ACSM2A: variants seen among roughly 807,000 people sequenced by gnomAD.
The protein encoded by ACSM2A is acyl-CoA synthetase medium chain family member 2A.
A neutral mutation model predicts 76.6 loss-of-function variants in ACSM2A; 72 were observed. The ratio of observed to expected loss-of-function variants is 0.94; its 90% CI spans 0.78 to 1.14. The LOEUF (loss-of-function observed/expected upper bound fraction) is 1.14. ACSM2A is among the 50% of genes most tolerant of loss of function. The pLI is 0.00. For missense variants in ACSM2A, 684 were observed against 708.5 expected (o/e 0.97, Z 0.39); for synonymous variants, 249 against 255.9 (o/e 0.97, Z 0.26).
At chr16:20,463,079 T>C (rs1442385364) in intron 2 of ACSM2A, among the ~76,000 whole-genome samples, 1 of 96,566 alleles carries the variant, frequency 1.0e-5, no homozygotes, top group Non-Finnish European at 1.9e-5. Context: ...CTGGGCCTGT[T>C]ATGGGGTGGG....
rs1040308539 is a variant in ACSM2A, at chr16:20,476,536, G to A, written c.1098+763G>A. 1.3e-5 allele frequency: 13 copies of A among 985,286 alleles called. No individual in the cohort carries two copies. In the African/African-American group the frequency reaches 2.3e-4, roughly 17 times the overall value. 61.0% of individuals were successfully genotyped at this position (985,286 alleles called of 1,614,324 possible). Reference sequence around the variant, plus strand: ...CTCTGCAAATATGAATAAGGACAATGGAGTTGTGGCAAGCATACCCTGGCA... The same window carrying A: ...CTCTGCAAATATGAATAAGGACAATAGAGTTGTGGCAAGCATACCCTGGCA... On this transcript the variant is annotated intron_variant, in intron 8 of 13. Coordinates refer to ENST00000573854, the MANE Select transcript of ACSM2A (RefSeq NM_001308172.2).
intron 13 of ACSM2A, among the ~76,000 whole-genome samples, chr16:20,483,614 A>C (rs898755797): frequency 1.5e-5 from 2 of 131,764 alleles, no homozygotes; most frequent in Non-Finnish European, 3.3e-5. Flanking sequence ...TCTTTCTATG[A>C]TCAAGAAAGC....
intron 1 of ACSM2A, chr16:20,451,961 G>A (rs1399806135): frequency 1.3e-5 from 2 of 151,264 alleles, no homozygotes; most frequent in Non-Finnish European, 2.9e-5. Flanking sequence ...GAATCTCAGA[G>A]GAGGTGAGAC....
intron 1 of ACSM2A, among the ~76,000 whole-genome samples, chr16:20,454,266 A>G (rs1369005754): frequency 1.3e-5 from 2 of 150,022 alleles, no homozygotes; most frequent in Non-Finnish European, 3.0e-5. Context: ...CCTATGTTCA[A>G]ATATTGTGGG....
intron 1 of ACSM2A, among the ~76,000 whole-genome samples, chr16:20,458,448 T>C (rs2012339721): frequency 6.9e-6 from 1 of 144,988 alleles, no homozygotes; most frequent in Non-Finnish European, 1.5e-5. Flanking sequence ...TATATAACTA[T>C]TTATAATATA....
In ACSM2A at chr16:20,487,279, C is replaced by T. The variant is rs1385548952; in HGVS notation, c.*601C>T. 1 of 152,226 alleles carries T rather than the reference C, an allele frequency of 6.6e-6. No homozygotes were observed. Among genetic ancestry groups the T allele is most frequent in the Non-Finnish European group, 1.5e-5 (1 of 68,124 alleles). The allele number at this position is 152,226 out of a possible 1,614,324, so 9.4% of individuals were successfully genotyped here. ...GTAAAGAGGAAAACTTATAAATATTCCCACAGATAGACAAAGTCAAGCATA... is the reference window on the plus strand; with the variant it reads ...GTAAAGAGGAAAACTTATAAATATTTCCACAGATAGACAAAGTCAAGCATA... On this transcript the variant is annotated 3_prime_UTR_variant, in exon 14 of 14. Coordinates refer to ENST00000573854, the MANE Select transcript of ACSM2A (RefSeq NM_001308172.2).
intron 1 of ACSM2A, 76 bp from the exon 2 acceptor site, chr16:20,460,031 T>A: frequency 6.9e-7 from 1 of 1,456,994 alleles, no homozygotes; most frequent in Non-Finnish European, 9.2e-7. Context: ...TTGGGATGAA[T>A]CTCCTGAAGC....
At chr16:20,473,775 T>C (rs181720312) in intron 6 of ACSM2A, among the ~76,000 whole-genome samples, 31 of 152,222 alleles carry the variant, frequency 2.0e-4, no homozygotes, top group Admixed American at 2.0e-3. Flanking sequence ...GAGTGGGACA[T>C]GCCTCATTAT....
At position 20,487,436 on chromosome 16, in the gene ACSM2A, A is replaced by C. The variant is rs2014435614; in HGVS notation, c.*758A>C. On this transcript the variant is annotated 3_prime_UTR_variant, in exon 14 of 14. Coordinates refer to ENST00000573854, the MANE Select transcript of ACSM2A (RefSeq NM_001308172.2). ...TCCACAAGTCACCCCAAACCTTGGA[A>C]CTGTCAGGGTCAGAGGGGAACCACC... is the stretch of plus-strand genomic sequence containing the variant. 1 of 152,214 alleles carries C rather than the reference A, an allele frequency of 6.6e-6. No individual in the cohort carries two copies. Among genetic ancestry groups the C allele is most frequent in the Non-Finnish European group, 1.5e-5 (1 of 68,074 alleles). The allele number at this position is 152,214 out of a possible 1,614,324, so 9.4% of individuals were successfully genotyped here. A position where few individuals can be genotyped will look rare whatever the true frequency, so the allele number is the denominator to read the frequency against.
chr16:20,466,630 T>A (rs1339679999), intron 3 of ACSM2A, among the ~76,000 whole-genome samples: 1 of 152,204 alleles, frequency 6.6e-6, no homozygotes, highest in African/African-American at 2.4e-5. Flanking sequence ...TTGGTTTGGC[T>A]GGGGATGAAA....
intron 4 of ACSM2A, among the ~76,000 whole-genome samples, chr16:20,470,180 A>G (rs535911023): frequency 6.6e-6 from 1 of 152,330 alleles, no homozygotes; most frequent in Admixed American, 6.5e-5. Flanking sequence ...ACATGATGTT[A>G]ACACCAAGTG....
At chr16:20,482,899 T>A in intron 12 of ACSM2A, 159 bp from the exon 13 acceptor site, 1 of 1,231,670 alleles carries the variant, frequency 8.1e-7, no homozygotes. Context: ...TGTAACCTCA[T>A]TCATGTCCCC....
chr16:20,478,414 A>T (rs564103816), intron 9 of ACSM2A, among the ~76,000 whole-genome samples, 162 bp from the exon 10 acceptor site: 1 of 152,162 alleles, frequency 6.6e-6, no homozygotes, highest in Non-Finnish European at 1.5e-5. Flanking sequence ...TAGATCAGAG[A>T]TCTGAGTTTA....
chr16:20,454,264 C>A (rs1444870623), intron 1 of ACSM2A, among the ~76,000 whole-genome samples: 2 of 149,706 alleles, frequency 1.3e-5, no homozygotes, highest in Admixed American at 6.7e-5. Flanking sequence ...AACCTATGTT[C>A]AAATATTGTG....
At chr16:20,458,660 G>A (rs1403387303) in intron 1 of ACSM2A, among the ~76,000 whole-genome samples, 1 of 135,916 alleles carries the variant, frequency 7.4e-6, no homozygotes, top group Non-Finnish European at 1.6e-5. Context: ...CAAGCTCATG[G>A]ATATATAATA....
At position 20,486,584 on chromosome 16, in the gene ACSM2A, T is replaced by C; in HGVS notation, c.1640T>C (p.Val547Ala). 1 of 1,614,148 alleles carries C rather than the reference T, an allele frequency of 6.2e-7. No individual in the cohort carries two copies. Among genetic ancestry groups the C allele is most frequent in the Non-Finnish European group, 8.5e-7 (1 of 1,179,996 alleles). Residue 547 changes from valine (V) to alanine (A), a missense_variant, in exon 14 of 14, where the codon GTC becomes GCC. Physicochemically the swap from Val to Ala is moderately conservative, Grantham distance 64. Coordinates refer to ENST00000573854, the MANE Select transcript of ACSM2A (RefSeq NM_001308172.2). ...PYKYPRKIEF[V>A]LNLPKTVTGK... Reference sequence around the variant, plus strand: ...TTTGTTTTTCAACAGATAGAGTTTGTCTTGAACCTGCCCAAGACTGTCACA... The same window carrying C: ...TTTGTTTTTCAACAGATAGAGTTTGCCTTGAACCTGCCCAAGACTGTCACA...
rs753060611 is a variant in ACSM2A, at chr16:20,475,441, G to C, written c.974G>C (p.Ser325Thr). 2 of 1,613,606 alleles carry C rather than the reference G, an allele frequency of 1.2e-6. No individual in the cohort carries two copies. Among genetic ancestry groups the C allele is most frequent in the African/African-American group, 2.7e-5 (2 of 74,866 alleles). The change falls in exon 7 of 14, where the codon AGT becomes ACT. Residue 325 changes from serine (S) to threonine (T), a missense_variant and splice_region_variant. Coordinates refer to ENST00000573854, the MANE Select transcript of ACSM2A (RefSeq NM_001308172.2). Reference protein sequence around the residue: ...YRMLLQQDLSSYKFPHLQNCV... With the variant: ...YRMLLQQDLSTYKFPHLQNCV... The stretch of plus-strand genomic sequence containing the variant: ...ATGTTGCTACAGCAGGATCTTTCCA[G>C]GTGATGGGGCTTTGAGGATTGGTAA...
At chr16:20,465,762 T>A in intron 3 of ACSM2A, 35 bp downstream of exon 3, 1 of 1,601,082 alleles carries the variant, frequency 6.2e-7, no homozygotes. Flanking sequence ...AGAACTGTCT[T>A]CCTTGTGAAG....
chr16:20,477,288 C>T (rs2013802017), intron 8 of ACSM2A, 81 bp from the exon 9 acceptor site: 1 of 1,561,708 alleles, frequency 6.4e-7, no homozygotes, highest in Admixed American at 1.8e-5. Flanking sequence ...GTGTCAGGAC[C>T]TGCTCTGCAG....
Sources: gnomAD v4.1 joint callset for allele counts (sites outside exome capture counted in the v4.1 genomes callset) on GRCh38, gnomAD v4.1.1 for gene constraint, MANE v1.5 for transcripts, NCBI Gene and HGNC (gene_info 2026-07-23, HGNC 2026-07-21) for gene names.